ITGB6: variants seen among roughly 807,000 people sequenced by gnomAD.
ITGB6 encodes integrin beta-6.
A neutral mutation model predicts 84.5 loss-of-function variants in ITGB6; 80 were observed. The ratio of observed to expected loss-of-function variants is 0.95; its 90% CI spans 0.79 to 1.14. The LOEUF (loss-of-function observed/expected upper bound fraction) is 1.14. Among genes scored for constraint, ITGB6 ranks in the 50% most tolerant of loss-of-function variants. The probability of loss-of-function intolerance (pLI) is 0.00; values close to 1 mark genes in which losing one functional copy is unlikely to be tolerated. For synonymous variants in ITGB6, 383 were observed against 354.9 expected (o/e 1.08, Z -0.89); for missense variants, 1,006 against 968.0 (o/e 1.04, Z -0.52).
At chr2:160,106,134 C>A (rs1696899017) in intron 14 of ITGB6, among the ~76,000 whole-genome samples, 1 of 152,310 alleles carries the variant, frequency 6.6e-6, no homozygotes, top group African/African-American at 2.4e-5. Flanking sequence ...TATTTTCTAG[C>A]AATGTCACCA....
In ITGB6 at chr2:160,186,551, G is replaced by C. The variant is rs148331862; in HGVS notation, c.593+8818C>G. ...ATTAGTTCAGTCATTGTGGAAGACA[G>C]TGTGGCCATTCCTCAAGGATCTAGA... is the stretch of plus-strand genomic sequence containing the variant. On this transcript the variant is annotated intron_variant, in intron 4 of 14. Coordinates refer to ENST00000283249, the MANE Select transcript of ITGB6 (RefSeq NM_000888.5). 8.1e-3 allele frequency among the ~76,000 whole-genome samples: 1,234 copies of C among 152,318 alleles called. 15 individuals carry two copies. The highest frequency in any genetic ancestry group is 0.025 in the Admixed American group (385 of 15,298).
intron 7 of ITGB6, among the ~76,000 whole-genome samples, chr2:160,150,260 C>A (rs540515519): frequency 3.3e-5 from 5 of 152,188 alleles, no homozygotes; most frequent in Admixed American, 6.5e-5. Context: ...ACAGATCTCT[C>A]GGCAGAAACC....
intron 13 of ITGB6, among the ~76,000 whole-genome samples, chr2:160,111,211 GT>G (rs1280055656): frequency 6.6e-6 from 1 of 151,710 alleles, no homozygotes; most frequent in African/African-American, 2.4e-5. Context: ...ATTCGTTTTT[GT>G]TTTTGAAACT....
intron 4 of ITGB6, among the ~76,000 whole-genome samples, chr2:160,177,419 A>C (rs1020999172): frequency 2.0e-5 from 3 of 151,932 alleles, no homozygotes; most frequent in Non-Finnish European, 2.9e-5. Flanking sequence ...AAATACAAAA[A>C]AATTAGCCCG....
chr2:160,139,833 G>A (rs1683924582), intron 8 of ITGB6, among the ~76,000 whole-genome samples: 1 of 152,148 alleles, frequency 6.6e-6, no homozygotes, highest in Non-Finnish European at 1.5e-5. Flanking sequence ...ACTTATCCTT[G>A]GGATTGCTGA....
intron 8 of ITGB6, among the ~76,000 whole-genome samples, chr2:160,138,932 GA>G (rs1348186084): frequency 1.1e-4 from 17 of 152,296 alleles, no homozygotes; most frequent in African/African-American, 3.4e-4. Context: ...ACTACATCAT[GA>G]CTGCTGCCTG....
At chr2:160,147,039 C>T (rs1487860352) in intron 7 of ITGB6, among the ~76,000 whole-genome samples, 1 of 146,616 alleles carries the variant, frequency 6.8e-6, no homozygotes, top group East Asian at 2.0e-4. Flanking sequence ...GTTGGGGCTG[C>T]AGCCACTGCA....
At chr2:160,107,368 C>T (rs925577855) in intron 14 of ITGB6, among the ~76,000 whole-genome samples, 1 of 151,378 alleles carries the variant, frequency 6.6e-6, no homozygotes, top group South Asian at 2.1e-4. Context: ...GAGGGATACT[C>T]CTAGTGGTGA....
At chr2:160,181,757 G>C (rs760792792) in intron 4 of ITGB6, among the ~76,000 whole-genome samples, 1 of 152,162 alleles carries the variant, frequency 6.6e-6, no homozygotes, top group Non-Finnish European at 1.5e-5. Flanking sequence ...GACATCTGGC[G>C]GGTGCCCCTC....
At chr2:160,107,892 T>A in intron 13 of ITGB6, 47 bp from the exon 14 acceptor site, 1 of 1,492,570 alleles carries the variant, frequency 6.7e-7, no homozygotes, top group Non-Finnish European at 9.2e-7. Flanking sequence ...ATCAACATTT[T>A]GACATCGGAA....
chr2:160,188,706 T>C (rs1686010068), intron 4 of ITGB6, among the ~76,000 whole-genome samples: 2 of 151,982 alleles, frequency 1.3e-5, no homozygotes, highest in South Asian at 4.2e-4. Flanking sequence ...CTGGTTTAAG[T>C]GATTCTCCTG....
At chr2:160,170,028 GC>G in intron 6 of ITGB6, among the ~76,000 whole-genome samples, 1 of 152,292 alleles carries the variant, frequency 6.6e-6, no homozygotes, top group Middle Eastern at 3.4e-3. Flanking sequence ...ATATTATGTG[GC>G]ATTTGCCCAT....
intron 12 of ITGB6, among the ~76,000 whole-genome samples, chr2:160,118,253 G>GA (rs1559101166): frequency 6.6e-6 from 1 of 152,116 alleles, no homozygotes; most frequent in Non-Finnish European, 1.5e-5. Context: ...AACATTGATG[G>GA]AAAAATCCTC....
At chr2:160,102,798 AG>A (rs1183654850) in intron 14 of ITGB6, among the ~76,000 whole-genome samples, 4 of 65,454 alleles carry the variant, frequency 6.1e-5, no homozygotes, top group Non-Finnish European at 2.2e-4. Context: ...CTATGGCAAC[AG>A]TCTGGGTCCA....
At chr2:160,175,808 A>T (rs1036626589) in intron 4 of ITGB6, among the ~76,000 whole-genome samples, 1 of 152,242 alleles carries the variant, frequency 6.6e-6, no homozygotes, top group Non-Finnish European at 1.5e-5. Flanking sequence ...TTTGTTAATG[A>T]AAATGTGATA....
At chr2:160,132,694 T>C (rs1422242249) in intron 10 of ITGB6, among the ~76,000 whole-genome samples, 1 of 152,166 alleles carries the variant, frequency 6.6e-6, no homozygotes, top group Non-Finnish European at 1.5e-5. Context: ...ATATTTATAA[T>C]TCTTTTCTGA....
intron 13 of ITGB6, among the ~76,000 whole-genome samples, chr2:160,111,295 C>T (rs928613972): frequency 6.6e-6 from 1 of 152,158 alleles, no homozygotes. Context: ...GTCACTGCCA[C>T]AGTCACAGAG....
chr2:160,103,615 G>C (rs1483670889), intron 14 of ITGB6, among the ~76,000 whole-genome samples: 1 of 152,148 alleles, frequency 6.6e-6, no homozygotes, highest in Non-Finnish European at 1.5e-5. Flanking sequence ...TGTAGATGGA[G>C]TCTCATTTGC....
At position 160,146,025 on chromosome 2, in the gene ITGB6, G is replaced by A. The variant is rs115358980; in HGVS notation, c.1018-3954C>T. On this transcript the variant is annotated intron_variant, in intron 7 of 14. Transcript: ENST00000283249. The stretch of plus-strand genomic sequence containing the variant: ...TACTGGGCCCTTATAGCCCACTCTT[G>A]TGACATTTCTACTATAGTCTCAGAG... 2.3e-3 allele frequency among the ~76,000 whole-genome samples: 345 copies of A among 152,132 alleles called. 1 individual carries two copies. The highest frequency in any genetic ancestry group is 7.8e-3 in the African/African-American group (323 of 41,520).
Sources: allele counts gnomAD v4.1 joint callset (sites outside exome capture counted in the v4.1 genomes callset), GRCh38; gene constraint gnomAD v4.1.1; transcripts MANE v1.5; gene names NCBI Gene and HGNC (gene_info 2026-07-23, HGNC 2026-07-21).